Variants in SEMA3A observed in about 807,000 individuals in gnomAD.
The protein encoded by SEMA3A is semaphorin-3A.
A neutral mutation model predicts 97.9 loss-of-function variants in SEMA3A; 29 were observed. The ratio of observed to expected loss-of-function variants is 0.30; its 90% CI spans 0.22 to 0.40. SEMA3A has a LOEUF of 0.40. Ranked by LOEUF, SEMA3A falls within the 10% of genes least tolerant of loss-of-function variation. The probability of loss-of-function intolerance (pLI) is 1.00; values close to 1 mark genes in which losing one functional copy is unlikely to be tolerated. For missense variants in SEMA3A, 763 were observed against 951.3 expected, an observed-to-expected ratio of 0.80 and a Z score of 2.60; for synonymous variants, 321 against 323.7, an observed-to-expected ratio of 0.99 and a Z score of 0.09.
chr7:84,051,590 T>A (rs1161272513), intron 5 of SEMA3A, among the ~76,000 whole-genome samples: 1 of 152,238 alleles, frequency 6.6e-6, no homozygotes, highest in Non-Finnish European at 1.5e-5. Flanking sequence ...AAGTTGCTTA[T>A]CAGCTTAAGG....
chr7:83,971,887 A>T (rs1788929512), intron 15 of SEMA3A, among the ~76,000 whole-genome samples: 1 of 152,146 alleles, frequency 6.6e-6, no homozygotes, highest in Admixed American at 6.6e-5. Flanking sequence ...AGTAATTATT[A>T]ACCAGGATAT....
intron 3 of SEMA3A, among the ~76,000 whole-genome samples, chr7:84,227,368 G>A (rs1799014190): frequency 6.6e-6 from 1 of 151,874 alleles, no homozygotes; most frequent in African/African-American, 2.4e-5. Flanking sequence ...GCATTCATTT[G>A]CTACCTCATT....
chr7:84,331,670 G>T (rs1358642871), intron 2 of SEMA3A, among the ~76,000 whole-genome samples: 2 of 151,916 alleles, frequency 1.3e-5, no homozygotes, highest in African/African-American at 4.8e-5. Flanking sequence ...CAAGACTAAA[G>T]TTTCACAGAT....
chr7:83,969,619 TAATC>T (rs1418761322), intron 15 of SEMA3A, among the ~76,000 whole-genome samples: 5 of 152,216 alleles, frequency 3.3e-5, no homozygotes, highest in East Asian at 1.9e-4. Context: ...AATAAAAGTT[TAATC>T]AATCAAAAAG....
rs1174812104 is a variant in SEMA3A, at chr7:84,012,582, A to C, written c.811-1285T>G. On this transcript the variant is annotated intron_variant, in intron 7 of 16. Coordinates refer to ENST00000265362, the MANE Select transcript of SEMA3A (RefSeq NM_006080.3). ...AATACACATACAAAAAATAGATCTC[A>C]AACAAAAGCACGCTAGCATCAAATA... Among the ~76,000 whole-genome samples the C allele has an allele frequency of 3.9e-5, 6 of 152,354 alleles. No homozygotes were observed. In the East Asian group the frequency reaches 1.2e-3, roughly 29 times the overall value.
At chr7:84,385,064 AACACACACACACAC>A (rs58600722) in intron 1 of SEMA3A, among the ~76,000 whole-genome samples, 15 of 147,434 alleles carry the variant, frequency 1.0e-4, no homozygotes, top group Non-Finnish European at 1.5e-4. Flanking sequence ...ACATCCACAA[AACACACACACACAC>A]ACACACACAC....
At chr7:84,291,002 C>T (rs1237112225) in intron 3 of SEMA3A, among the ~76,000 whole-genome samples, 1 of 152,004 alleles carries the variant, frequency 6.6e-6, no homozygotes, top group Non-Finnish European at 1.5e-5. Flanking sequence ...AACTATAAAC[C>T]TATGTTGATG....
chr7:84,183,861 G>C (rs758000001), intron 1 of SEMA3A, among the ~76,000 whole-genome samples: 11 of 152,224 alleles, frequency 7.2e-5, no homozygotes, highest in South Asian at 6.2e-4. Context: ...TTCTGTGAAA[G>C]TGTCCATAGT....
intron 3 of SEMA3A, among the ~76,000 whole-genome samples, chr7:84,272,662 A>G (rs1479881216): frequency 6.6e-6 from 1 of 152,056 alleles, no homozygotes; most frequent in African/African-American, 2.4e-5. Flanking sequence ...AGACTAGATT[A>G]CAAAGTCCAG....
chr7:84,082,334 G>A (rs1484095423), intron 4 of SEMA3A, among the ~76,000 whole-genome samples: 2 of 152,150 alleles, frequency 1.3e-5, no homozygotes, highest in Admixed American at 1.3e-4. Context: ...GCAAGAATGA[G>A]CAGCAGGAAG....
At chr7:84,359,375 T>C (rs1442010702) in intron 2 of SEMA3A, among the ~76,000 whole-genome samples, 1 of 152,056 alleles carries the variant, frequency 6.6e-6, no homozygotes, top group Non-Finnish European at 1.5e-5. Context: ...TCAAAGGCCT[T>C]TTCTGCATCT....
chr7:84,236,768 G>A (rs777504148), intron 3 of SEMA3A, among the ~76,000 whole-genome samples: 3 of 152,076 alleles, frequency 2.0e-5, no homozygotes, highest in Non-Finnish European at 2.9e-5. Flanking sequence ...ATTCAAGTGT[G>A]TTATCTTCCA....
rs762929241 is a variant in SEMA3A, at chr7:84,110,536, C to T, written c.387G>A (p.Leu129=). The change falls in exon 4 of 17, where the codon TTG becomes TTA. Residue 129 remains leucine (L), a synonymous_variant. Transcript: ENST00000265362. ...GAAAAGCCCCCGTTCCACAGGCGTA[C>T]AAGTGAGTCTGATTATATGCCTTAA... ...KVLKAYNQTH[L]YACGTGAFHP... 1.2e-6 allele frequency: 2 copies of T among 1,613,848 alleles called. No individual in the cohort carries two copies. Among genetic ancestry groups the T allele is most frequent in the African/African-American group, 1.3e-5 (1 of 74,902 alleles).
chr7:84,096,365 A>G lies in SEMA3A; in HGVS notation c.453+14105T>C, dbSNP rs149697524. ...ATAGTATTTTATAAACTTATTTTTT[A>G]GCAAGAATTTTATGGAAATTTTGGC... is the stretch of plus-strand genomic sequence containing the variant. On this transcript the variant is annotated intron_variant, in intron 4 of 16. Coordinates refer to ENST00000265362, the MANE Select transcript of SEMA3A (RefSeq NM_006080.3). 6.7e-3 allele frequency among the ~76,000 whole-genome samples: 1,019 copies of G among 152,144 alleles called. 10 individuals carry two copies. The highest frequency in any genetic ancestry group is 0.024 in the African/African-American group (982 of 41,536).
chr7:84,414,466 G>A (rs1804375355), intron 1 of SEMA3A, among the ~76,000 whole-genome samples: 1 of 150,818 alleles, frequency 6.6e-6, no homozygotes, highest in African/African-American at 2.4e-5. Context: ...ATAAATACGT[G>A]CAATGAAATG....
intron 2 of SEMA3A, among the ~76,000 whole-genome samples, chr7:84,360,951 A>C (rs1303423959): frequency 6.6e-6 from 1 of 152,070 alleles, no homozygotes; most frequent in Non-Finnish European, 1.5e-5. Flanking sequence ...AGGAATTAAA[A>C]TTTAACTTAA....
At chr7:84,058,905 G>T (rs1009373892) in intron 5 of SEMA3A, among the ~76,000 whole-genome samples, 1 of 152,092 alleles carries the variant, frequency 6.6e-6, no homozygotes, top group Non-Finnish European at 1.5e-5. Context: ...TTGGGTGGTT[G>T]CATACCATAT....
intron 1 of SEMA3A, among the ~76,000 whole-genome samples, chr7:84,382,248 C>T (rs2116143650): frequency 6.6e-6 from 1 of 151,894 alleles, no homozygotes; most frequent in African/African-American, 2.4e-5. Context: ...GCTGGGATTA[C>T]AGGTGCCTGC....
chr7:84,091,254 C>A (rs371222201), intron 4 of SEMA3A, among the ~76,000 whole-genome samples: 50 of 58,168 alleles, frequency 8.6e-4, no homozygotes, highest in African/African-American at 1.3e-3. Context: ...AAGGAAAGAA[C>A]GAAGGAAAGA....
Sources: allele counts gnomAD v4.1 joint callset (sites outside exome capture counted in the v4.1 genomes callset), GRCh38; gene constraint gnomAD v4.1.1; transcripts MANE v1.5; gene names NCBI Gene and HGNC (gene_info 2026-07-23, HGNC 2026-07-21).